Variants in HERC2 observed in about 807,000 individuals in gnomAD.
HERC2 encodes HECT and RLD domain containing E3 ubiquitin protein ligase 2.
Under a neutral mutation model 537.7 loss-of-function variants are expected in HERC2, and 102 were observed. The observed-to-expected ratio is 0.19, with a 90% CI of 0.16 to 0.22. The LOEUF is 0.22. HERC2 is among the 10% of genes least tolerant of loss of function. HERC2 has a pLI of 1.00. For missense variants in HERC2, 4,236 were observed against 6,198.2 expected (o/e 0.68, Z 10.63); for synonymous variants, 2,224 against 2,466.2 (o/e 0.90, Z 2.91).
intron 14 of HERC2, among the ~76,000 whole-genome samples, chr15:28,264,020 CAA>C (rs34823980): frequency 0.11 from 8,918 of 83,798 alleles, 488 homozygotes; most frequent in African/African-American, 0.3. Flanking sequence ...CTTTGTCTTA[CAA>C]AAAAAAAAAA....
chr15:28,204,258 G>A (rs1898170412), intron 45 of HERC2, among the ~76,000 whole-genome samples: 1 of 152,142 alleles, frequency 6.6e-6, no homozygotes, highest in Admixed American at 6.5e-5. Flanking sequence ...CCAACAGGTG[G>A]GCAGATGTTA....
chr15:28,253,998 A>C (rs1484515420), intron 20 of HERC2, among the ~76,000 whole-genome samples: 1 of 148,868 alleles, frequency 6.7e-6, no homozygotes, highest in African/African-American at 2.5e-5. Context: ...TAAGTACATA[A>C]ATAGACCGGG....
chr15:28,168,320 A>G, intron 67 of HERC2, 87 bp downstream of exon 67: 1 of 1,337,126 alleles, frequency 7.5e-7, no homozygotes, highest in East Asian at 2.3e-5. Flanking sequence ...GAAACAGCCT[A>G]AACTAAATGA....
rs184501086 is a variant in HERC2, at chr15:28,188,437, G to A, written c.8650-1685C>T. Reference sequence around the variant, plus strand: ...CAGGCGCCTATAGTCCCAGCTACTCGGGAGGCTGAGGCAGGAGAATGGAGT... The same window carrying A: ...CAGGCGCCTATAGTCCCAGCTACTCAGGAGGCTGAGGCAGGAGAATGGAGT... On this transcript the variant is annotated intron_variant, in intron 55 of 92. Coordinates refer to ENST00000261609, the MANE Select transcript of HERC2 (RefSeq NM_004667.6). Among the ~76,000 whole-genome samples the A allele has an allele frequency of 3.3e-3, 504 of 152,070 alleles. 3 individuals carry two copies. Among genetic ancestry groups the A allele is most frequent in the African/African-American group, 0.011 (475 of 41,488 alleles).
intron 69 of HERC2, among the ~76,000 whole-genome samples, chr15:28,155,786 T>G (rs1467468671): frequency 1.3e-5 from 2 of 152,216 alleles, no homozygotes; most frequent in African/African-American, 4.8e-5. Flanking sequence ...ATTTGTCAAT[T>G]TTGGCTTTTG....
In HERC2 at chr15:28,142,938, A is replaced by G. The variant is rs1891368642; in HGVS notation, c.11433T>C (p.Ser3811=). ...GACCTTTCACCAAAGCAGCAAGAGC[A>G]CTACCTGTAAAACTCTAAGAAACAA... The part of the protein sequence containing the change: ...GETRALSFTG[S]ALAALVKGLP... The change falls in exon 75 of 93, where the codon AGT becomes AGC. Residue 3811 remains serine, a synonymous_variant. Coordinates refer to ENST00000261609, the MANE Select transcript of HERC2 (RefSeq NM_004667.6). 6.2e-7 allele frequency: 1 copy of G among 1,607,354 alleles called. No individual in the cohort carries two copies. The highest frequency in any genetic ancestry group is 8.5e-7 in the Non-Finnish European group (1 of 1,177,058).
At chr15:28,260,193 AT>A (rs1468877177) in intron 16 of HERC2, among the ~76,000 whole-genome samples, 1 of 151,952 alleles carries the variant, frequency 6.6e-6, no homozygotes, top group Non-Finnish European at 1.5e-5. Flanking sequence ...AAAAAAAAAA[AT>A]GTTTAAGAAA....
At chr15:28,229,940 C>T (rs112787947) in intron 31 of HERC2, 93 bp from the exon 32 acceptor site, 63 of 892,102 alleles carry the variant, frequency 7.1e-5, no homozygotes, top group African/African-American at 6.8e-4. Context: ...AAATAATGCT[C>T]ATAGGTTTAA....
At chr15:28,187,863 C>T (rs1311725147) in intron 55 of HERC2, among the ~76,000 whole-genome samples, 1 of 152,162 alleles carries the variant, frequency 6.6e-6, no homozygotes, top group Non-Finnish European at 1.5e-5. Context: ...TGTCCCACAC[C>T]CCATGTGGCC....
intron 20 of HERC2, among the ~76,000 whole-genome samples, chr15:28,251,528 C>G (rs746473051): frequency 2.0e-5 from 3 of 151,368 alleles, no homozygotes; most frequent in Non-Finnish European, 4.4e-5. Flanking sequence ...TGGCCAGGCG[C>G]GGTGGCTCAC....
rs1355921638 is a variant in HERC2 at position 28,211,100 on chromosome 15, T to G, written c.6971A>C (p.Tyr2324Ser). 6.2e-7 allele frequency: 1 copy of G among 1,610,808 alleles called. No individual in the cohort carries two copies. The highest frequency in any genetic ancestry group is 8.5e-7 in the Non-Finnish European group (1 of 1,178,850). ...DLLRCQQLKL[Y>S]ILKAGRALLS... is the part of the protein sequence containing the mutation. The stretch of plus-strand genomic sequence containing the variant: ...CAGCGCCCGACCTGCTTTCAGGATG[T>G]ATAGCTTCAACTGCTGGCACCGCAG... The change falls in exon 44 of 93, where the codon TAC (tyrosine) becomes TCC (serine). Residue 2324 changes from tyrosine (Y) to serine (S), a missense_variant. Transcript: ENST00000261609.
At chr15:28,242,661 G>A (rs1214161177) in intron 23 of HERC2, among the ~76,000 whole-genome samples, 1 of 152,130 alleles carries the variant, frequency 6.6e-6, no homozygotes, top group Non-Finnish European at 1.5e-5. Flanking sequence ...ATGCAAAATT[G>A]TCTTTAAAAA....
chr15:28,141,994 T>C, intron 76 of HERC2, 148 bp from the exon 77 acceptor site: 1 of 739,636 alleles, frequency 1.4e-6, no homozygotes, highest in Admixed American at 2.6e-5. Flanking sequence ...AAACCAATAA[T>C]GACTGCATCA....
At chr15:28,117,672 C>T in intron 86 of HERC2, 1 of 398,496 alleles carries the variant, frequency 2.5e-6, no homozygotes, top group Non-Finnish European at 5.1e-6. Flanking sequence ...TCAGCCAGGA[C>T]CAGCCCTTCC....
At chr15:28,204,203 A>G (rs946251590) in intron 45 of HERC2, among the ~76,000 whole-genome samples, 2 of 152,180 alleles carry the variant, frequency 1.3e-5, no homozygotes, top group African/African-American at 2.4e-5. Flanking sequence ...ACAACAACCA[A>G]TAACTGACTA....
chr15:28,306,175 T>A (rs1332042296), intron 2 of HERC2, among the ~76,000 whole-genome samples: 6 of 152,230 alleles, frequency 3.9e-5, no homozygotes, highest in Non-Finnish European at 8.8e-5. Flanking sequence ...TTTCAGTTTT[T>A]CACCTTTCAG....
At chr15:28,223,070 C>T (rs1369381875) in intron 35 of HERC2, among the ~76,000 whole-genome samples, 1 of 152,098 alleles carries the variant, frequency 6.6e-6, no homozygotes, top group Non-Finnish European at 1.5e-5. Flanking sequence ...GTCCTCCTGG[C>T]CAACCATCAA....
At chr15:28,259,752 G>A (rs910405514) in intron 16 of HERC2, among the ~76,000 whole-genome samples, 13 of 149,482 alleles carry the variant, frequency 8.7e-5, no homozygotes, top group African/African-American at 3.0e-4. Context: ...GTCAGGAGTT[G>A]GAGACCAGGC....
intron 3 of HERC2, among the ~76,000 whole-genome samples, chr15:28,296,095 C>T (rs1259234296): frequency 6.6e-6 from 1 of 151,928 alleles, no homozygotes; most frequent in Admixed American, 6.6e-5. Context: ...ATCTCCCTAA[C>T]ACCCCGAATC....
Sources: allele counts gnomAD v4.1 joint callset (sites outside exome capture counted in the v4.1 genomes callset), GRCh38; gene constraint gnomAD v4.1.1; transcripts MANE v1.5; gene names NCBI Gene and HGNC (gene_info 2026-07-23, HGNC 2026-07-21).